MID1: variants seen among roughly 807,000 people sequenced by gnomAD.
MID1 encodes the protein E3 ubiquitin-protein ligase Midline-1.
In MID1, 7 loss-of-function variants were observed where a neutral mutation model predicts 40.4. The observed-to-expected ratio is 0.17, with a 90% CI of 0.10 to 0.33. The LOEUF (loss-of-function observed/expected upper bound fraction) is 0.33, where lower values mean the gene tolerates loss of function less well. Among genes scored for constraint, MID1 ranks in the 10% least tolerant of loss-of-function variants. MID1 has a pLI of 1.00. For synonymous variants in MID1, 229 were observed against 221.2 expected, an observed-to-expected ratio of 1.04 and a Z score of -0.31; for missense variants, 367 against 558.5, an observed-to-expected ratio of 0.66 and a Z score of 3.46.
intron 1 of MID1, among the ~76,000 whole-genome samples, chrX:10,692,633 T>G (rs2043138667): frequency 9.0e-6 from 1 of 111,302 alleles, no homozygotes; most frequent in African/African-American, 3.3e-5. Context: ...AAAAAATTAT[T>G]CATGAGGTAC....
At chrX:10,502,531 G>A (rs1366298863) in intron 3 of MID1, among the ~76,000 whole-genome samples, 1 of 111,558 alleles carries the variant, frequency 9.0e-6, no homozygotes, top group Non-Finnish European at 1.9e-5. Context: ...AAGAATGGTA[G>A]ACCCCTTGAG....
intron 1 of MID1, among the ~76,000 whole-genome samples, chrX:10,712,994 A>T (rs1176022302): frequency 9.1e-6 from 1 of 109,930 alleles, no homozygotes; most frequent in Non-Finnish European, 1.9e-5. Context: ...GTGCCACCAC[A>T]CCCGGCTAAT....
At chrX:10,494,527 GGAGGCA>G (rs1218150627) in intron 4 of MID1, among the ~76,000 whole-genome samples, 4 of 110,919 alleles carry the variant, frequency 3.6e-5, no homozygotes, top group African/African-American at 1.3e-4. Flanking sequence ...CAGCATTTTA[GGAGGCA>G]GAGGCAGAGG....
At chrX:10,617,542 GT>G (rs1047159528) in intron 1 of MID1, among the ~76,000 whole-genome samples, 1 of 111,664 alleles carries the variant, frequency 9.0e-6, no homozygotes, top group African/African-American at 3.3e-5. Flanking sequence ...TTCCCTTAGA[GT>G]TTTTTTTCTA....
chrX:10,604,698 G>C (rs1472459598), intron 1 of MID1, among the ~76,000 whole-genome samples: 1 of 112,294 alleles, frequency 8.9e-6, no homozygotes, highest in Non-Finnish European at 1.9e-5. Flanking sequence ...GTGCCAGCTA[G>C]AGTATCTGAA....
At chrX:10,678,955 C>G (rs145088860) in intron 1 of MID1, among the ~76,000 whole-genome samples, 2,758 of 111,256 alleles carry the variant, frequency 0.025, 43 homozygotes, top group African/African-American at 0.049. Context: ...CACCACCAAT[C>G]TGGGGTTGGG....
At chrX:10,660,214 T>C (rs1447664847) in intron 1 of MID1, among the ~76,000 whole-genome samples, 2 of 112,434 alleles carry the variant, frequency 1.8e-5, no homozygotes, top group Non-Finnish European at 3.8e-5. Context: ...TCTGAACATA[T>C]TCATAAGGAG....
chrX:10,810,696 C>CTCTGTGTGTG (rs1555926591), intron 1 of MID1, among the ~76,000 whole-genome samples: 1 of 101,104 alleles, frequency 9.9e-6, no homozygotes, highest in African/African-American at 3.6e-5. Context: ...GTTGTTTTCT[C>CTCTGTGTGTG]TGTGTGTGTG....
intron 1 of MID1, among the ~76,000 whole-genome samples, chrX:10,571,490 CT>C (rs757552435): frequency 0.011 from 1,064 of 92,585 alleles, 5 homozygotes; most frequent in African/African-American, 0.029. Context: ...CCATTCATTC[CT>C]TTTTTTTTTT....
At chrX:10,714,361 T>C (rs1458616391) in intron 1 of MID1, among the ~76,000 whole-genome samples, 1 of 111,834 alleles carries the variant, frequency 8.9e-6, no homozygotes, top group Non-Finnish European at 1.9e-5. Flanking sequence ...GGGTTAAAGT[T>C]GAGTGGGAGA....
intron 1 of MID1, among the ~76,000 whole-genome samples, chrX:10,705,376 A>C (rs2043223351): frequency 8.9e-6 from 1 of 111,929 alleles, no homozygotes; most frequent in South Asian, 3.7e-4. Context: ...TTCTCCCAGT[A>C]TGCCTACTGC....
intron 1 of MID1, among the ~76,000 whole-genome samples, chrX:10,720,571 G>A (rs2043343996): frequency 1.8e-5 from 2 of 111,772 alleles, no homozygotes; most frequent in South Asian, 7.6e-4. Flanking sequence ...AGGATGTGGA[G>A]AAATAGAAAC....
intron 1 of MID1, among the ~76,000 whole-genome samples, chrX:10,609,234 C>T (rs1476665241): frequency 9.0e-6 from 1 of 110,970 alleles, no homozygotes; most frequent in Non-Finnish European, 1.9e-5. Context: ...ATTATTCCAC[C>T]GTGTGTACAT....
At chrX:10,632,297 T>C (rs186557851) in intron 1 of MID1, among the ~76,000 whole-genome samples, 5 of 111,832 alleles carry the variant, frequency 4.5e-5, no homozygotes, top group Middle Eastern at 4.6e-3. Context: ...GTTGTGTATC[T>C]TGGGCAAGTC....
chrX:10,812,407 T>C (rs1332752135), intron 1 of MID1, among the ~76,000 whole-genome samples: 5 of 111,584 alleles, frequency 4.5e-5, no homozygotes, highest in Non-Finnish European at 7.5e-5. Flanking sequence ...CGAAGGTTGT[T>C]AAGCAAAAAG....
chrX:10,706,678 A>G (rs769749005), intron 1 of MID1, among the ~76,000 whole-genome samples: 70 of 111,241 alleles, frequency 6.3e-4, no homozygotes, highest in African/African-American at 2.3e-3. Flanking sequence ...TTTATAAATT[A>G]CCCCATCTTG....
At chrX:10,808,010 G>A (rs752676674) in intron 1 of MID1, among the ~76,000 whole-genome samples, 3 of 112,556 alleles carry the variant, frequency 2.7e-5, no homozygotes, top group South Asian at 3.7e-4. Flanking sequence ...GGGGTAACAG[G>A]TTCTACATTC....
chrX:10,613,710 TATATATATATATATATATATATAG>T (rs1935776574), intron 1 of MID1, among the ~76,000 whole-genome samples: 1 of 48,525 alleles, frequency 2.1e-5, no homozygotes, highest in African/African-American at 1.1e-4. Context: ...TATATATATA[TATATATATATATATATATATATAG>T]AGAGAGAGAG....
chrX:10,717,964 T>A (rs1275965657), intron 1 of MID1, among the ~76,000 whole-genome samples: 11 of 111,673 alleles, frequency 9.9e-5, no homozygotes, highest in Non-Finnish European at 2.1e-4. Context: ...CATAATGAAA[T>A]AAAGGCAGAA....
Sources: gnomAD v4.1 joint callset for allele counts (sites outside exome capture counted in the v4.1 genomes callset) on GRCh38, gnomAD v4.1.1 for gene constraint, MANE v1.5 for transcripts, NCBI Gene and HGNC (gene_info 2026-07-23, HGNC 2026-07-21) for gene names.